The following VPS13B variants were observed in gnomAD, a reference collection of about 807,000 sequenced individuals.
VPS13B encodes the protein vacuolar protein sorting 13 homolog B.
A neutral mutation model predicts 426.4 loss-of-function variants in VPS13B; 285 were observed. The ratio of observed to expected loss-of-function variants is 0.67; its 90% CI spans 0.61 to 0.74. The LOEUF (loss-of-function observed/expected upper bound fraction) is 0.74. Among genes scored for constraint, VPS13B ranks in the 30% least tolerant of loss-of-function variants. The pLI, the probability that VPS13B is intolerant of heterozygous loss-of-function variation, is 0.00. For missense variants in VPS13B, 4,537 were observed against 4,782.6 expected (o/e 0.95, Z 1.51); for synonymous variants, 1,676 against 1,676.4 (o/e 1.00, Z 0.01).
chr8:99,021,260 G>C (rs1841868569), intron 2 of VPS13B, among the ~76,000 whole-genome samples: 1 of 152,194 alleles, frequency 6.6e-6, no homozygotes, highest in African/African-American at 2.4e-5. Flanking sequence ...TTGCTGTCCT[G>C]CTCTAAATCG....
At chr8:99,433,211 A>G (rs183946081) in intron 22 of VPS13B, among the ~76,000 whole-genome samples, 20 of 152,276 alleles carry the variant, frequency 1.3e-4, no homozygotes, top group Admixed American at 9.8e-4. Context: ...AGTGATGGAG[A>G]TAACACCCCT....
chr8:99,812,471 G>A (rs1813761825), intron 44 of VPS13B, among the ~76,000 whole-genome samples: 2 of 152,178 alleles, frequency 1.3e-5, no homozygotes, highest in African/African-American at 4.8e-5. Flanking sequence ...GGGGAGGTGA[G>A]TATATGCAGA....
rs755662324 is a variant in VPS13B at position 99,835,218 on chromosome 8, A to G, written c.9636A>G (p.Gln3212=). Residue 3212 remains glutamine, a synonymous_variant, in exon 53 of 62, where the codon CAA becomes CAG. Coordinates refer to ENST00000357162, the MANE Select transcript of VPS13B (RefSeq NM_152564.5). ...CCAGGGCTATAGTGCTGACATATCA[A>G]GAACACCTCGGAGTGACTTATTTAA... ...FCTRAIVLTY[Q]EHLGVTYLTL... 1 of 1,614,032 alleles carries G rather than the reference A, an allele frequency of 6.2e-7. No homozygotes were observed. Among genetic ancestry groups the G allele is most frequent in the South Asian group, 1.1e-5 (1 of 91,076 alleles).
chr8:99,534,126 TTG>T (rs1823068629), intron 30 of VPS13B, among the ~76,000 whole-genome samples: 1 of 152,094 alleles, frequency 6.6e-6, no homozygotes, highest in Non-Finnish European at 1.5e-5. Context: ...CCTAAAAGCT[TTG>T]TTTGAAAATA....
chr8:99,697,539 A>G (rs1326897593), intron 35 of VPS13B: 4 of 715,932 alleles, frequency 5.6e-6, no homozygotes, highest in Admixed American at 2.0e-5. Flanking sequence ...CTGCTGAAGG[A>G]GGACGTGCAG....
At chr8:99,338,230 A>G (rs1462707616) in intron 19 of VPS13B, among the ~76,000 whole-genome samples, 1 of 152,090 alleles carries the variant, frequency 6.6e-6, no homozygotes, top group East Asian at 1.9e-4. Flanking sequence ...TTCTATTAAA[A>G]ACACCTGTTA....
intron 33 of VPS13B, among the ~76,000 whole-genome samples, chr8:99,634,545 T>C (rs1269579335): frequency 6.6e-6 from 1 of 152,072 alleles, no homozygotes; most frequent in African/African-American, 2.4e-5. Flanking sequence ...TTCTGCTCTT[T>C]TGCATAATTA....
intron 19 of VPS13B, among the ~76,000 whole-genome samples, chr8:99,312,358 G>C (rs1821035388): frequency 6.6e-6 from 1 of 152,178 alleles, no homozygotes. Flanking sequence ...TTTTAGGGCA[G>C]GCCTGGTGGT....
intron 50 of VPS13B, among the ~76,000 whole-genome samples, chr8:99,821,958 G>A (rs1400561447): frequency 6.6e-6 from 1 of 152,204 alleles, no homozygotes; most frequent in Non-Finnish European, 1.5e-5. Context: ...ATATGAGGAA[G>A]TTATATTCTT....
chr8:99,299,949 T>A (rs1374009928), intron 19 of VPS13B, among the ~76,000 whole-genome samples: 1 of 152,200 alleles, frequency 6.6e-6, no homozygotes, highest in Non-Finnish European at 1.5e-5. Context: ...ATACTTAACA[T>A]AAACTGAGTA....
At chr8:99,830,467 C>A (rs1814978227) in intron 51 of VPS13B, among the ~76,000 whole-genome samples, 3 of 152,182 alleles carry the variant, frequency 2.0e-5, no homozygotes, top group Admixed American at 2.0e-4. Flanking sequence ...GCTGGAGCAT[C>A]CCAAGTCAAC....
At chr8:99,109,516 G>C (rs1234414799) in intron 5 of VPS13B, among the ~76,000 whole-genome samples, 1 of 151,882 alleles carries the variant, frequency 6.6e-6, no homozygotes, top group Non-Finnish European at 1.5e-5. Context: ...CTGAGTAGCT[G>C]TGATTTTCTG....
At chr8:99,666,328 T>C (rs1313220914) in intron 35 of VPS13B, among the ~76,000 whole-genome samples, 1 of 152,140 alleles carries the variant, frequency 6.6e-6, no homozygotes, top group Non-Finnish European at 1.5e-5. Context: ...ATCATCCTGA[T>C]ACCAAAGCCT....
intron 19 of VPS13B, among the ~76,000 whole-genome samples, chr8:99,361,542 T>C (rs1812557984): frequency 6.6e-6 from 1 of 152,170 alleles, no homozygotes. Flanking sequence ...ACCAGCTTGA[T>C]TAAATTATAC....
chr8:99,242,066 C>T (rs1275908296), intron 17 of VPS13B, among the ~76,000 whole-genome samples: 5 of 152,210 alleles, frequency 3.3e-5, no homozygotes, highest in African/African-American at 4.8e-5. Flanking sequence ...CTGCAACCTC[C>T]GCCTCCCGGG....
At chr8:99,401,410 G>C (rs778915455) in intron 21 of VPS13B, among the ~76,000 whole-genome samples, 11 of 152,138 alleles carry the variant, frequency 7.2e-5, no homozygotes, top group Non-Finnish European at 1.3e-4. Flanking sequence ...ATGGTAAATT[G>C]TAATATGCCA....
chr8:99,467,491 C>T lies in VPS13B; in HGVS notation c.3523C>T (p.Leu1175=), dbSNP rs775549294. 1.2e-6 allele frequency: 2 copies of T among 1,613,774 alleles called. No individual in the cohort carries two copies. The highest frequency in any genetic ancestry group is 2.2e-5 in the East Asian group (1 of 44,862). The change falls in exon 24 of 62, where the codon CTA becomes TTA. Residue 1175 remains leucine, a synonymous_variant. Transcript: ENST00000357162. ...TLLGKQVTLC[L]VEPMGCTSTL... ...TCTTGGAAAACAAGTGACACTTTGC[C>T]TAGTGGAACCTATGGGTTGCACCTC...
chr8:99,509,148 T>G (rs1440965396), intron 28 of VPS13B, among the ~76,000 whole-genome samples: 1 of 152,172 alleles, frequency 6.6e-6, no homozygotes, highest in East Asian at 1.9e-4. Context: ...GTGATCACTG[T>G]GGCCTCTTCC....
chr8:99,028,847 TGACCCCTTAAGTTAGCGCTTATGG>T (rs1842322497), intron 2 of VPS13B, among the ~76,000 whole-genome samples: 13 of 842 alleles, frequency 0.015, 1 homozygote, highest in Admixed American at 0.061. Flanking sequence ...GGCGGGGGGC[TGACCCCTTAAGTTAGCGCTTATGG>T]GGGCTGACCC....
Sources: allele counts gnomAD v4.1 joint callset (sites outside exome capture counted in the v4.1 genomes callset), GRCh38; gene constraint gnomAD v4.1.1; transcripts MANE v1.5; gene names NCBI Gene and HGNC (gene_info 2026-07-23, HGNC 2026-07-21).